The following TAFA1 variants were observed in gnomAD, a reference collection of about 807,000 sequenced individuals.
The protein encoded by TAFA1 is chemokine-like protein TAFA-1.
Under a neutral mutation model 18.5 loss-of-function variants are expected in TAFA1, and 4 were observed. The observed-to-expected ratio is 0.22, with a 90% CI of 0.11 to 0.49. The LOEUF is 0.49. Among genes scored for constraint, TAFA1 ranks in the 20% least tolerant of loss-of-function variants. The probability of loss-of-function intolerance (pLI) is 0.98; values close to 1 mark genes in which losing one functional copy is unlikely to be tolerated. For synonymous variants in TAFA1, 56 were observed against 55.2 expected (o/e 1.01, Z -0.06); for missense variants, 147 against 169.0 (o/e 0.87, Z 0.72).
chr3:68,482,253 C>T (rs573696833), intron 3 of TAFA1, among the ~76,000 whole-genome samples: 4 of 152,240 alleles, frequency 2.6e-5, no homozygotes, highest in East Asian at 3.9e-4. Context: ...GTGATCCGCC[C>T]GCCTCGGCCT....
At chr3:68,461,377 ATATG>A (rs1312626152) in intron 3 of TAFA1, among the ~76,000 whole-genome samples, 13 of 142,030 alleles carry the variant, frequency 9.2e-5, no homozygotes, top group South Asian at 4.4e-4. Context: ...ATATATATAT[ATATG>A]TATGTATGTA....
chr3:68,166,593 C>T (rs183413802), intron 2 of TAFA1, among the ~76,000 whole-genome samples: 2 of 152,222 alleles, frequency 1.3e-5, no homozygotes, highest in East Asian at 3.9e-4. Context: ...TAAAGGAAGC[C>T]GGCAGAGTCT....
intron 2 of TAFA1, among the ~76,000 whole-genome samples, chr3:68,086,471 T>C (rs747218563): frequency 1.6e-4 from 25 of 152,230 alleles, no homozygotes; most frequent in Non-Finnish European, 3.5e-4. Context: ...GAAGCATCTC[T>C]GATTGTTGCA....
intron 2 of TAFA1, among the ~76,000 whole-genome samples, chr3:68,113,595 C>T (rs2065285824): frequency 1.3e-5 from 2 of 151,852 alleles, no homozygotes; most frequent in South Asian, 2.1e-4. Flanking sequence ...GATTTCATAA[C>T]GAAAATAGAA....
At chr3:68,296,162 C>T (rs973022792) in intron 2 of TAFA1, among the ~76,000 whole-genome samples, 1 of 152,212 alleles carries the variant, frequency 6.6e-6, no homozygotes, top group African/African-American at 2.4e-5. Flanking sequence ...TGAGCTACAA[C>T]TTTACCAAAG....
intron 2 of TAFA1, among the ~76,000 whole-genome samples, chr3:68,391,627 A>G (rs2070250404): frequency 2.0e-5 from 3 of 152,234 alleles, no homozygotes. Flanking sequence ...CGGGTTACCC[A>G]CAAAGGGAAG....
intron 2 of TAFA1, among the ~76,000 whole-genome samples, chr3:68,094,451 T>C (rs2065064389): frequency 6.6e-6 from 1 of 152,184 alleles, no homozygotes; most frequent in Non-Finnish European, 1.5e-5. Flanking sequence ...TGTAACTATC[T>C]GTTAAATGAA....
At chr3:68,001,963 G>A (rs1180978982), upstream of TAFA1, among the ~76,000 whole-genome samples, 3 of 152,142 alleles carry the variant, frequency 2.0e-5, no homozygotes, top group Non-Finnish European at 4.4e-5. Context: ...GCAATTAAAT[G>A]CTCTATTGCT....
At chr3:68,211,302 A>T (rs1028886188) in intron 2 of TAFA1, among the ~76,000 whole-genome samples, 1 of 152,094 alleles carries the variant, frequency 6.6e-6, no homozygotes, top group East Asian at 1.9e-4. Flanking sequence ...CATAATTTAT[A>T]CTTACAAAGT....
At chr3:68,479,624 A>G (rs1034033873) in intron 3 of TAFA1, among the ~76,000 whole-genome samples, 1 of 152,170 alleles carries the variant, frequency 6.6e-6, no homozygotes, top group African/African-American at 2.4e-5. Flanking sequence ...ACATGAGACT[A>G]TATTTGTAGG....
At chr3:68,492,456 C>G (rs1025929531) in intron 3 of TAFA1, among the ~76,000 whole-genome samples, 1 of 152,184 alleles carries the variant, frequency 6.6e-6, no homozygotes, top group Admixed American at 6.5e-5. Flanking sequence ...AGCTGCTTCT[C>G]TGATATTCTC....
At chr3:68,535,236 T>C (rs900629165) in intron 3 of TAFA1, among the ~76,000 whole-genome samples, 1 of 152,144 alleles carries the variant, frequency 6.6e-6, no homozygotes. Context: ...TATATTTTTG[T>C]TCCCTTTCAA....
At chr3:68,389,337 T>TA (rs2070174907) in intron 2 of TAFA1, among the ~76,000 whole-genome samples, 1 of 152,328 alleles carries the variant, frequency 6.6e-6, no homozygotes, top group Admixed American at 6.5e-5. Flanking sequence ...TCTTTGTGAC[T>TA]AAAAATATTG....
intron 3 of TAFA1, among the ~76,000 whole-genome samples, chr3:68,524,059 A>T (rs1344343402): frequency 2.0e-5 from 3 of 152,202 alleles, no homozygotes; most frequent in Non-Finnish European, 2.9e-5. Context: ...AATGACTTAA[A>T]AGAACAAAAA....
rs1032793481 is a variant in TAFA1 at position 68,197,425 on chromosome 3, G to A, written c.118+190681G>A. Among the ~76,000 whole-genome samples, 4 of 151,730 alleles carry A rather than the reference G, an allele frequency of 2.6e-5. No homozygotes were observed. In the East Asian group the frequency reaches 7.8e-4, roughly 30 times the overall value. On this transcript the variant is annotated intron_variant, in intron 2 of 4. Transcript: ENST00000478136. The stretch of plus-strand genomic sequence containing the variant: ...TTGATTTTTACCTGGCAAATTTTAT[G>A]ACAGTTCAATCAGAAGGACAAGCTC...
intron 2 of TAFA1, among the ~76,000 whole-genome samples, chr3:68,264,743 A>G (rs934206078): frequency 1.3e-5 from 2 of 151,890 alleles, no homozygotes; most frequent in African/African-American, 4.8e-5. Flanking sequence ...ATTCTATATA[A>G]TTTCTATAAA....
At chr3:68,433,912 A>C (rs1385654623) in intron 3 of TAFA1, among the ~76,000 whole-genome samples, 2 of 152,122 alleles carry the variant, frequency 1.3e-5, no homozygotes, top group Admixed American at 1.3e-4. Context: ...GGAGAAATTA[A>C]GACAGCACAG....
In TAFA1 at chr3:68,545,020, A is replaced by G. The variant is rs1215183193; in HGVS notation, c.*517A>G. 6.6e-6 allele frequency: 1 copy of G among 152,530 alleles called. No individual in the cohort carries two copies. Among genetic ancestry groups the G allele is most frequent in the Non-Finnish European group, 1.5e-5 (1 of 68,042 alleles). The allele number at this position is 152,530 out of a possible 1,614,324, so 9.4% of individuals were successfully genotyped here. A position where few individuals can be genotyped will look rare whatever the true frequency, so the allele number is the denominator to read the frequency against. On this transcript the variant is annotated 3_prime_UTR_variant, in exon 5 of 5. Coordinates refer to ENST00000478136, the MANE Select transcript of TAFA1 (RefSeq NM_213609.4). ...TGGCACTGACACGGGAAGGCCAGCT[A>G]CAGGTGGACTCCTGGAATTTGAGGC...
At chr3:68,315,301 G>C (rs2068589432) in intron 2 of TAFA1, among the ~76,000 whole-genome samples, 1 of 152,108 alleles carries the variant, frequency 6.6e-6, no homozygotes, top group Admixed American at 6.6e-5. Flanking sequence ...CCAAGTACAT[G>C]CTTGATTCTG....
Sources: allele counts gnomAD v4.1 joint callset (sites outside exome capture counted in the v4.1 genomes callset), GRCh38; gene constraint gnomAD v4.1.1; transcripts MANE v1.5; gene names NCBI Gene and HGNC (gene_info 2026-07-23, HGNC 2026-07-21).